Variants in DGKI observed in about 807,000 individuals in gnomAD.
DGKI encodes the protein diacylglycerol kinase iota, also known as DAG kinase iota.
DGKI carries 55 observed loss-of-function variants against 147.5 expected under a neutral mutation model. The observed-to-expected ratio is 0.37, with a 90% CI of 0.30 to 0.47. DGKI has a LOEUF of 0.47. Among genes scored for constraint, DGKI ranks in the 20% least tolerant of loss-of-function variants. DGKI has a pLI of 1.00. For synonymous variants in DGKI, 469 were observed against 477.1 expected, an observed-to-expected ratio of 0.98 and a Z score of 0.22; for missense variants, 1,007 against 1,323.8, an observed-to-expected ratio of 0.76 and a Z score of 3.71.
Position 137,445,791 on chromosome 7 carries a change from G to T in DGKI, c.2736-1689C>A, listed in dbSNP as rs147813194. 3.6e-3 allele frequency among the ~76,000 whole-genome samples: 548 copies of T among 152,184 alleles called. 3 individuals are homozygous for T. The highest frequency in any genetic ancestry group is 0.011 in the African/African-American group (462 of 41,524). On this transcript the variant is annotated intron_variant, in intron 27 of 32. Transcript: ENST00000614521. Reference sequence around the variant, plus strand: ...CTTGAAAGTGCCTGAAGCTCCAATTGGTTATAATGTGGACACTCTCAGAGC... The same window carrying T: ...CTTGAAAGTGCCTGAAGCTCCAATTTGTTATAATGTGGACACTCTCAGAGC...
chr7:137,796,010 C>T (rs551442010), intron 1 of DGKI, among the ~76,000 whole-genome samples: 1 of 152,142 alleles, frequency 6.6e-6, no homozygotes, highest in East Asian at 1.9e-4. Flanking sequence ...GTAATGGCAA[C>T]AAAAACAAAA....
intron 3 of DGKI, among the ~76,000 whole-genome samples, chr7:137,670,457 C>T (rs185993048): frequency 1.1e-4 from 16 of 152,250 alleles, no homozygotes; most frequent in East Asian, 3.9e-4. Context: ...TAAGTGTGCA[C>T]GTGAACGATC....
At chr7:137,570,172 G>A (rs1420567466) in intron 19 of DGKI, among the ~76,000 whole-genome samples, 5 of 152,128 alleles carry the variant, frequency 3.3e-5, no homozygotes, top group African/African-American at 1.2e-4. Flanking sequence ...AAGGTGACAA[G>A]CAGAAGCTTT....
At chr7:137,401,056 T>C (rs1282113451) in intron 30 of DGKI, among the ~76,000 whole-genome samples, 2 of 152,184 alleles carry the variant, frequency 1.3e-5, no homozygotes, top group East Asian at 3.9e-4. Context: ...GACAAGGCTG[T>C]TCTTCTCCTT....
At chr7:137,491,677 A>C (rs1318698702) in intron 21 of DGKI, among the ~76,000 whole-genome samples, 1 of 152,252 alleles carries the variant, frequency 6.6e-6, no homozygotes, top group Non-Finnish European at 1.5e-5. Context: ...CTTGTGGTCC[A>C]TAGTTAGACC....
At chr7:137,486,540 G>C (rs1486423143) in intron 22 of DGKI, among the ~76,000 whole-genome samples, 1 of 152,084 alleles carries the variant, frequency 6.6e-6, no homozygotes, top group African/African-American at 2.4e-5. Context: ...TGTTTAAGCA[G>C]CTATCCTCAG....
intron 1 of DGKI, among the ~76,000 whole-genome samples, chr7:137,701,914 G>A (rs1048539158): frequency 2.6e-5 from 4 of 152,046 alleles, no homozygotes; most frequent in African/African-American, 4.8e-5. Context: ...ATTTCTAGAC[G>A]TATTATAAAG....
At chr7:137,589,703 G>A (rs1819539664) in intron 12 of DGKI, among the ~76,000 whole-genome samples, 2 of 152,148 alleles carry the variant, frequency 1.3e-5, no homozygotes, top group South Asian at 4.1e-4. Context: ...CCACCCATCT[G>A]GGATCACCAA....
intron 1 of DGKI, among the ~76,000 whole-genome samples, chr7:137,713,353 T>C (rs1045881894): frequency 2.6e-5 from 4 of 152,214 alleles, no homozygotes; most frequent in African/African-American, 9.6e-5. Flanking sequence ...AGCCTATCTA[T>C]ATGTTTCTAC....
At position 137,787,495 on chromosome 7, in the gene DGKI, AT is replaced by A. The variant is rs988778599; in HGVS notation, c.401+58966del. ...ATGTTGGCATGGATGCAATGAAAAC[AT>A]TTTTACACTGTTGGTGGAATGTAAA... On this transcript the variant is annotated intron_variant, in intron 1 of 32. Transcript: ENST00000614521. Among the ~76,000 whole-genome samples, 159 of 152,214 alleles carry A rather than the reference AT, an allele frequency of 1.0e-3. 3 individuals carry two copies. Among genetic ancestry groups the A allele is most frequent in the African/African-American group, 3.8e-3 (157 of 41,558 alleles).
At chr7:137,692,734 A>G (rs935957641) in intron 1 of DGKI, among the ~76,000 whole-genome samples, 3 of 152,232 alleles carry the variant, frequency 2.0e-5, no homozygotes, top group Non-Finnish European at 4.4e-5. Context: ...AAGAAATTAC[A>G]GTCAAATCAC....
intron 21 of DGKI, among the ~76,000 whole-genome samples, chr7:137,514,185 G>A (rs552428357): frequency 2.6e-5 from 4 of 152,164 alleles, no homozygotes; most frequent in Admixed American, 1.3e-4. Context: ...ATTTGTGGCC[G>A]AGTGTAACAA....
At chr7:137,690,200 G>C (rs888048538) in intron 1 of DGKI, among the ~76,000 whole-genome samples, 198 bp from the exon 2 acceptor site, 1 of 152,170 alleles carries the variant, frequency 6.6e-6, no homozygotes, top group African/African-American at 2.4e-5. Context: ...CCAAAAGACA[G>C]GGAGGTCAAG....
At chr7:137,502,661 G>A (rs1816220023) in intron 21 of DGKI, among the ~76,000 whole-genome samples, 2 of 152,032 alleles carry the variant, frequency 1.3e-5, no homozygotes, top group African/African-American at 4.8e-5. Context: ...CTGAGAGATG[G>A]ATGTCATTAT....
intron 21 of DGKI, among the ~76,000 whole-genome samples, chr7:137,520,157 G>A (rs1816913191): frequency 6.6e-6 from 1 of 152,048 alleles, no homozygotes; most frequent in African/African-American, 2.4e-5. Flanking sequence ...ATAATTGAAA[G>A]CTATAAATAA....
chr7:137,515,096 G>T (rs967529962), intron 21 of DGKI, among the ~76,000 whole-genome samples: 1 of 152,112 alleles, frequency 6.6e-6, no homozygotes, highest in African/African-American at 2.4e-5. Context: ...AGGATGCTTG[G>T]CCTTGGAACT....
intron 1 of DGKI, among the ~76,000 whole-genome samples, chr7:137,779,670 A>G (rs935584245): frequency 2.0e-5 from 3 of 152,172 alleles, no homozygotes; most frequent in Admixed American, 2.0e-4. Flanking sequence ...CGTTTGACAA[A>G]AGAATTACCC....
intron 2 of DGKI, among the ~76,000 whole-genome samples, chr7:137,685,321 A>G (rs1225079953): frequency 6.6e-6 from 1 of 152,220 alleles, no homozygotes; most frequent in Non-Finnish European, 1.5e-5. Context: ...TTTAAGAAAG[A>G]TCTTGGTGGC....
Position 137,451,190 on chromosome 7 carries a change from C to T in DGKI, c.2736-7088G>A, listed in dbSNP as rs1284824475. 4.8e-5 allele frequency among the ~76,000 whole-genome samples: 6 copies of T among 124,178 alleles called. No individual in the cohort carries two copies. The East Asian group carries it at 9.7e-4, about 20-fold the overall frequency. 81.5% of individuals were successfully genotyped at this position (124,178 alleles called of 152,430 possible). ...GAGGCAGTCAGCTTCAGACAAGTCT[C>T]CAGGTTCCCAAGGAAGTAAGTTTGT... On this transcript the variant is annotated intron_variant, in intron 27 of 32. Transcript: ENST00000614521.
Sources: gnomAD v4.1 joint callset for allele counts (sites outside exome capture counted in the v4.1 genomes callset) on GRCh38, gnomAD v4.1.1 for gene constraint, MANE v1.5 for transcripts, NCBI Gene and HGNC (gene_info 2026-07-23, HGNC 2026-07-21) for gene names.